Variants in OR3A2 observed in about 807,000 individuals in gnomAD.
OR3A2 encodes the protein olfactory receptor family 3 subfamily A member 2, also known as olfactory receptor 3A2.
For synonymous variants in OR3A2, 126 were observed against 159.3 expected, an observed-to-expected ratio of 0.79 and a Z score of 1.57; for missense variants, 318 against 392.8, an observed-to-expected ratio of 0.81 and a Z score of 1.61.
upstream of OR3A2, among the ~76,000 whole-genome samples, chr17:3,288,632 A>T (rs946812898): frequency 4.6e-5 from 7 of 152,252 alleles, no homozygotes; most frequent in Non-Finnish European, 8.8e-5. Context: ...TAGTTTTCAA[A>T]TATAAAAAGA....
chr17:3,295,104 A>G (rs2048909048), intron 3 of OR3A2, among the ~76,000 whole-genome samples: 1 of 152,148 alleles, frequency 6.6e-6, no homozygotes, highest in Non-Finnish European at 1.5e-5. Flanking sequence ...AATTGTAAGT[A>G]TGAAAGAAAG....
chr17:3,334,279 T>C (rs577837779), intron 3 of OR3A2, among the ~76,000 whole-genome samples: 1 of 152,332 alleles, frequency 6.6e-6, no homozygotes, highest in Non-Finnish European at 1.5e-5. Flanking sequence ...TATATTCTTT[T>C]GTTTTCTCTT....
chr17:3,286,079 C>G (rs1031918358), upstream of OR3A2, among the ~76,000 whole-genome samples: 2 of 152,144 alleles, frequency 1.3e-5, no homozygotes, highest in African/African-American at 2.4e-5. Flanking sequence ...CCCCACCCCC[C>G]AAGAGGCCCT....
intron 3 of OR3A2, among the ~76,000 whole-genome samples, chr17:3,290,377 T>C (rs938204239): frequency 6.6e-6 from 1 of 152,170 alleles, no homozygotes; most frequent in African/African-American, 2.4e-5. Flanking sequence ...CCCCCTCCAC[T>C]TGCAATTCTC....
chr17:3,323,996 A>C (rs924418160), intron 3 of OR3A2, among the ~76,000 whole-genome samples: 1 of 152,120 alleles, frequency 6.6e-6, no homozygotes, highest in African/African-American at 2.4e-5. Context: ...CAGGTACACC[A>C]ATCAGACATA....
At chr17:3,303,995 AATAT>A (rs61331985) in intron 3 of OR3A2, among the ~76,000 whole-genome samples, 24,498 of 144,056 alleles carry the variant, frequency 0.17, 2,938 homozygotes, top group African/African-American at 0.34. Flanking sequence ...TTATACTAAT[AATAT>A]ATATATATAT....
chr17:3,291,576 C>G (rs1024636533), intron 3 of OR3A2: 48 of 1,390,298 alleles, frequency 3.5e-5, no homozygotes, highest in Middle Eastern at 2.0e-4. Context: ...TAGTTTCTGG[C>G]TCTAGAAGAC....
intron 2 of OR3A2, among the ~76,000 whole-genome samples, chr17:3,369,934 G>C (rs1046470253): frequency 6.6e-6 from 1 of 151,760 alleles, no homozygotes; most frequent in African/African-American, 2.4e-5. Flanking sequence ...CTCCCGAGTA[G>C]CTGGGACTAC....
intron 2 of OR3A2, among the ~76,000 whole-genome samples, chr17:3,376,723 C>T (rs550194932): frequency 6.6e-6 from 1 of 152,244 alleles, no homozygotes; most frequent in East Asian, 1.9e-4. Context: ...AGAAAGCAAG[C>T]AGGGCTATCA....
chr17:3,292,014 A>G (rs768483891), intron 3 of OR3A2: 1 of 1,614,172 alleles, frequency 6.2e-7, no homozygotes, highest in East Asian at 2.2e-5. Context: ...GGAGCAGGAG[A>G]GCTGGAAGAG....
Position 3,311,099 on chromosome 17 carries a change from A to C in OR3A2, c.-85+24934T>G, listed in dbSNP as rs757323772. ...ATGGGACGGGCGTCTTCAGCTACAC[A>C]AGGCTGGGTTCAGTGGAGTCTTCGG... On this transcript the variant is annotated intron_variant, in intron 3 of 4. Coordinates refer to the OR3A2 transcript ENST00000573491. This position sits in a 1 kb window ranked among gnomAD's most constrained non-coding sequence, Gnocchi z 4.6. The C allele has an allele frequency of 1.8e-6, 1 of 542,912 alleles. No homozygotes were observed. The highest frequency in any genetic ancestry group is 1.4e-5 in the South Asian group (1 of 72,480). The allele number at this position is 542,912 out of a possible 1,614,324, so 33.6% of individuals were successfully genotyped here. A position where few individuals can be genotyped will look rare whatever the true frequency, so the allele number is the denominator to read the frequency against.
intron 3 of OR3A2, among the ~76,000 whole-genome samples, chr17:3,290,136 T>G (rs1033913465): frequency 6.6e-6 from 1 of 152,146 alleles, no homozygotes; most frequent in Non-Finnish European, 1.5e-5. Context: ...TAACTTAAAA[T>G]ATCAATCACT....
chr17:3,350,299 GAA>G (rs1443363796), intron 2 of OR3A2, among the ~76,000 whole-genome samples: 3 of 149,944 alleles, frequency 2.0e-5, no homozygotes, highest in African/African-American at 7.4e-5. Context: ...GACTAATAAA[GAA>G]AAAAAGAGAT....
At chr17:3,309,139 C>G (rs1197721874) in intron 3 of OR3A2, among the ~76,000 whole-genome samples, 1 of 152,080 alleles carries the variant, frequency 6.6e-6, no homozygotes, top group Non-Finnish European at 1.5e-5. Flanking sequence ...CTCCTGACCT[C>G]AGGTGATCCA....
At chr17:3,307,042 G>A (rs1010379170) in intron 3 of OR3A2, among the ~76,000 whole-genome samples, 1 of 152,228 alleles carries the variant, frequency 6.6e-6, no homozygotes, top group African/African-American at 2.4e-5. Context: ...GGATGTTCAG[G>A]TAGAAATATC....
At chr17:3,283,027 T>C (rs1433308192) in intron 1 of OR3A2, among the ~76,000 whole-genome samples, 4 of 145,372 alleles carry the variant, frequency 2.8e-5, no homozygotes, top group Non-Finnish European at 6.0e-5. Context: ...CTTCTGTCTC[T>C]TTCTCTCTCT....
chr17:3,343,316 C>T (rs997032701), intron 2 of OR3A2, among the ~76,000 whole-genome samples: 1 of 152,176 alleles, frequency 6.6e-6, no homozygotes, highest in Non-Finnish European at 1.5e-5. Flanking sequence ...GTTGGAAAAG[C>T]AGAAATCACC....
intron 2 of OR3A2, among the ~76,000 whole-genome samples, chr17:3,362,939 T>C (rs1456814212): frequency 3.3e-5 from 5 of 151,878 alleles, no homozygotes; most frequent in Non-Finnish European, 1.5e-5. Context: ...CCTTGGCCCC[T>C]TTTAGCCACA....
chr17:3,365,288 C>A (rs1466796005), intron 2 of OR3A2, among the ~76,000 whole-genome samples: 1 of 152,132 alleles, frequency 6.6e-6, no homozygotes. Flanking sequence ...ACATAAAACT[C>A]AGAAGTAAAT....
Sources: allele counts gnomAD v4.1 joint callset (sites outside exome capture counted in the v4.1 genomes callset), GRCh38; gene constraint gnomAD v4.1.1; non-coding constraint Gnocchi (gnomAD v3.1); transcripts MANE v1.5; gene names NCBI Gene and HGNC (gene_info 2026-07-23, HGNC 2026-07-21).